ST8SIA1: variants seen among roughly 807,000 people sequenced by gnomAD.
ST8SIA1 encodes alpha-N-acetylneuraminide alpha-2,8-sialyltransferase.
ST8SIA1 carries 16 observed loss-of-function variants against 35.9 expected under a neutral mutation model. The observed-to-expected ratio is 0.45, with a 90% CI of 0.30 to 0.68. ST8SIA1 has a LOEUF of 0.68. Ranked by LOEUF, ST8SIA1 falls within the 30% of genes least tolerant of loss-of-function variation. ST8SIA1 has a pLI of 0.09. For missense variants in ST8SIA1, 383 were observed against 453.6 expected, an observed-to-expected ratio of 0.84 and a Z score of 1.41; for synonymous variants, 170 against 169.6, an observed-to-expected ratio of 1.00 and a Z score of -0.02.
At position 22,201,680 on chromosome 12, in the gene ST8SIA1, C is replaced by T. The variant is rs752763380; in HGVS notation, c.943G>A (p.Val315Ile). The change falls in exon 5 of 5, where the codon GTC (valine) becomes ATC (isoleucine). Residue 315 changes from valine to isoleucine, a missense_variant. Transcript: ENST00000396037. ...QPISHHYYDN[V>I]LPFSGFHAMP... The stretch of plus-strand genomic sequence containing the variant: ...GCATGGAAGCCAGAAAAGGGTAAGA[C>T]GTTGTCATAGTAGTGGTGGCTGATG... The T allele has an allele frequency of 3.3e-5, 53 of 1,613,982 alleles. No individual in the cohort carries two copies. The highest frequency in any genetic ancestry group is 1.6e-4 in the Middle Eastern group (1 of 6,082).
chr12:22,217,133 A>C (rs1865242335), intron 4 of ST8SIA1, among the ~76,000 whole-genome samples: 1 of 152,190 alleles, frequency 6.6e-6, no homozygotes, highest in South Asian at 2.1e-4. Flanking sequence ...GGAATCTTTT[A>C]GAAAAATCTC....
chr12:22,274,869 G>C (rs938495091), intron 2 of ST8SIA1, among the ~76,000 whole-genome samples: 16 of 152,182 alleles, frequency 1.1e-4, no homozygotes, highest in Admixed American at 9.2e-4. Context: ...GCCAGACCCT[G>C]TCTATGTGCT....
intron 4 of ST8SIA1, chr12:22,248,746 C>A: frequency 2.5e-6 from 1 of 398,958 alleles, no homozygotes; most frequent in Non-Finnish European, 4.5e-6. Flanking sequence ...TTGTGCTGTT[C>A]TTTGAGCAAA....
Position 22,201,672 on chromosome 12 carries a change from G to A in ST8SIA1, c.951C>T (p.Pro317=), listed in dbSNP as rs1039720909. Residue 317 remains proline, a synonymous_variant, in exon 5 of 5, where the codon CCC becomes CCT. Coordinates refer to ENST00000396037, the MANE Select transcript of ST8SIA1 (RefSeq NM_003034.4). ...CGGGCATGGCATGGAAGCCAGAAAAGGGTAAGACGTTGTCATAGTAGTGGT... is the reference window on the plus strand; with the variant it reads ...CGGGCATGGCATGGAAGCCAGAAAAAGGTAAGACGTTGTCATAGTAGTGGT... ...ISHHYYDNVL[P]FSGFHAMPEE... is the part of the protein sequence containing the mutation. 2.5e-6 allele frequency: 4 copies of A among 1,614,152 alleles called. No individual in the cohort carries two copies. Among genetic ancestry groups the A allele is most frequent in the Admixed American group, 1.7e-5 (1 of 60,010 alleles).
In ST8SIA1 at chr12:22,197,505, T is replaced by C. The variant is rs1162097324; in HGVS notation, c.*4047A>G. 6.6e-6 allele frequency: 1 copy of C among 152,200 alleles called. No individual in the cohort carries two copies. Among genetic ancestry groups the C allele is most frequent in the African/African-American group, 2.4e-5 (1 of 41,452 alleles). 9.4% of individuals were successfully genotyped at this position (152,200 alleles called of 1,614,324 possible). ...AAAACTCTGGATGGCTGACTTTCTA[T>C]TAATAATCAAAAAATGTATATAATA... On this transcript the variant is annotated 3_prime_UTR_variant, in exon 5 of 5. Transcript: ENST00000396037.
At chr12:22,260,083 A>G (rs1473536521) in intron 2 of ST8SIA1, among the ~76,000 whole-genome samples, 1 of 152,114 alleles carries the variant, frequency 6.6e-6, no homozygotes, top group African/African-American at 2.4e-5. Flanking sequence ...TGCTAACCTT[A>G]AAAAAATCTA....
At chr12:22,278,051 A>G (rs548316884) in intron 2 of ST8SIA1, among the ~76,000 whole-genome samples, 1 of 152,206 alleles carries the variant, frequency 6.6e-6, no homozygotes, top group Non-Finnish European at 1.5e-5. Context: ...TTGCTCAATA[A>G]GTACTTCATG....
At chr12:22,308,296 T>C (rs1344327425) in intron 1 of ST8SIA1, among the ~76,000 whole-genome samples, 2 of 152,158 alleles carry the variant, frequency 1.3e-5, no homozygotes, top group African/African-American at 4.8e-5. Flanking sequence ...CTAGAAGATA[T>C]AAAAGATAAC....
chr12:22,327,773 A>G (rs867150874), intron 1 of ST8SIA1, among the ~76,000 whole-genome samples: 3 of 152,268 alleles, frequency 2.0e-5, no homozygotes, highest in South Asian at 2.1e-4. Flanking sequence ...CTCCCTAACC[A>G]AGACCTGTCT....
chr12:22,249,500 G>A (rs6487297), intron 3 of ST8SIA1, among the ~76,000 whole-genome samples: 139,994 of 152,260 alleles, frequency 0.92, 64,401 homozygotes, highest in East Asian at 1. Context: ...GATTACAGGC[G>A]TGAGCCACTG....
At chr12:22,235,551 T>C (rs183687987) in intron 4 of ST8SIA1, among the ~76,000 whole-genome samples, 1 of 152,278 alleles carries the variant, frequency 6.6e-6, no homozygotes, top group East Asian at 1.9e-4. Flanking sequence ...CAATGAATTG[T>C]TCACAGATGG....
chr12:22,253,407 T>C (rs1425668018), intron 3 of ST8SIA1, among the ~76,000 whole-genome samples: 1 of 152,186 alleles, frequency 6.6e-6, no homozygotes, highest in African/African-American at 2.4e-5. Context: ...TCAAGCCATT[T>C]TCCCCACTGT....
At chr12:22,317,360 A>G (rs557389335) in intron 1 of ST8SIA1, among the ~76,000 whole-genome samples, 25 of 152,336 alleles carry the variant, frequency 1.6e-4, no homozygotes, top group Admixed American at 5.9e-4. Context: ...TAGCAGCTTA[A>G]AACAGCCAAG....
chr12:22,330,885 G>C (rs932657066), intron 1 of ST8SIA1, among the ~76,000 whole-genome samples: 3 of 152,160 alleles, frequency 2.0e-5, no homozygotes, highest in Non-Finnish European at 4.4e-5. Flanking sequence ...ACACTGCTTT[G>C]GTTTGGCATT....
At chr12:22,219,163 TTTAA>T (rs1275833240) in intron 4 of ST8SIA1, among the ~76,000 whole-genome samples, 4 of 152,208 alleles carry the variant, frequency 2.6e-5, no homozygotes, top group Non-Finnish European at 4.4e-5. Flanking sequence ...ATCACATTTA[TTTAA>T]TTAATGATGA....
intron 4 of ST8SIA1, among the ~76,000 whole-genome samples, chr12:22,220,856 A>G (rs1274457901): frequency 6.6e-6 from 1 of 152,128 alleles, no homozygotes; most frequent in African/African-American, 2.4e-5. Flanking sequence ...GTTTTTCTGG[A>G]CACCAAGCTG....
intron 4 of ST8SIA1, among the ~76,000 whole-genome samples, chr12:22,206,797 C>A (rs1452875388): frequency 3.3e-5 from 5 of 152,156 alleles, no homozygotes; most frequent in African/African-American, 1.2e-4. Context: ...TAGTGTCCAA[C>A]ATAAGAGTCA....
At chr12:22,202,305 G>A (rs1362535326) in intron 4 of ST8SIA1, among the ~76,000 whole-genome samples, 5 of 152,112 alleles carry the variant, frequency 3.3e-5, no homozygotes, top group Admixed American at 2.0e-4. Flanking sequence ...TTATACATTT[G>A]TTCTCTCCCA....
chr12:22,231,703 A>T (rs1865423932), intron 4 of ST8SIA1, among the ~76,000 whole-genome samples: 1 of 151,792 alleles, frequency 6.6e-6, no homozygotes. Context: ...CCCCCCGAGT[A>T]GCTGGGACTA....
Sources: gnomAD v4.1 joint callset for allele counts (sites outside exome capture counted in the v4.1 genomes callset) on GRCh38, gnomAD v4.1.1 for gene constraint, MANE v1.5 for transcripts, NCBI Gene and HGNC (gene_info 2026-07-23, HGNC 2026-07-21) for gene names.